THEMIS: variants seen among roughly 807,000 people sequenced by gnomAD.
THEMIS encodes the protein protein THEMIS.
Under a neutral mutation model 52.6 loss-of-function variants are expected in THEMIS, and 37 were observed. The observed-to-expected ratio is 0.70, with a 90% CI of 0.54 to 0.93. The LOEUF is 0.93. Among genes scored for constraint, THEMIS ranks in the 40% least tolerant of loss-of-function variants. THEMIS has a pLI of 0.00. For missense variants in THEMIS, 808 were observed against 763.1 expected (o/e 1.06, Z -0.69); for synonymous variants, 292 against 272.7 (o/e 1.07, Z -0.70).
chr6:127,712,468 T>TAA (rs1260478012), intron 5 of THEMIS, among the ~76,000 whole-genome samples: 2 of 151,954 alleles, frequency 1.3e-5, no homozygotes. Context: ...TTTCTGACAA[T>TAA]AATTTAGGTT....
chr6:127,848,134 T>C (rs1779286692), intron 2 of THEMIS, among the ~76,000 whole-genome samples: 1 of 139,116 alleles, frequency 7.2e-6, no homozygotes, highest in Non-Finnish European at 1.5e-5. Context: ...CCATGTGTTC[T>C]CATTGTTCAA....
intron 5 of THEMIS, among the ~76,000 whole-genome samples, chr6:127,714,516 G>T (rs1774092225): frequency 6.6e-6 from 1 of 151,874 alleles, no homozygotes; most frequent in Admixed American, 6.6e-5. Flanking sequence ...GGCCATGATG[G>T]TTTCCCAGCT....
At chr6:127,875,139 G>A (rs1279049782) in intron 1 of THEMIS, among the ~76,000 whole-genome samples, 3 of 152,238 alleles carry the variant, frequency 2.0e-5, no homozygotes, top group African/African-American at 7.2e-5. Flanking sequence ...TGGAAAAATT[G>A]TCTTTCACGA....
intron 4 of THEMIS, among the ~76,000 whole-genome samples, chr6:127,762,665 C>A (rs547104082): frequency 6.6e-6 from 1 of 152,006 alleles, no homozygotes; most frequent in Non-Finnish European, 1.5e-5. Context: ...CATTCCCTGG[C>A]CACTCTAATT....
chr6:127,916,119 TA>T (rs1444635407), intron 1 of THEMIS, among the ~76,000 whole-genome samples: 1 of 151,970 alleles, frequency 6.6e-6, no homozygotes, highest in African/African-American at 2.4e-5. Flanking sequence ...TTTGTTTAAT[TA>T]AAAATATGAT....
chr6:127,845,694 C>G (rs1009800174), intron 2 of THEMIS, among the ~76,000 whole-genome samples: 2 of 151,800 alleles, frequency 1.3e-5, no homozygotes, highest in African/African-American at 4.8e-5. Flanking sequence ...TGGGGAAAGG[C>G]TTTTCTCAGA....
At chr6:127,742,979 C>T (rs1028359990) in intron 4 of THEMIS, among the ~76,000 whole-genome samples, 4 of 151,814 alleles carry the variant, frequency 2.6e-5, no homozygotes, top group Non-Finnish European at 4.4e-5. Context: ...GAAGAATATT[C>T]CTTCTTGGAT....
intron 2 of THEMIS, among the ~76,000 whole-genome samples, chr6:127,845,316 C>A (rs369539012): frequency 1.3e-5 from 2 of 151,840 alleles, no homozygotes; most frequent in East Asian, 1.9e-4. Context: ...AGTTTACATA[C>A]TTTAATACAG....
At chr6:127,724,434 T>A (rs1292492684) in intron 4 of THEMIS, among the ~76,000 whole-genome samples, 1 of 152,096 alleles carries the variant, frequency 6.6e-6, no homozygotes, top group Non-Finnish European at 1.5e-5. Flanking sequence ...AATAAAATCC[T>A]CTGTCAGATC....
chr6:127,746,744 A>ATATC (rs1384317746), intron 4 of THEMIS, among the ~76,000 whole-genome samples: 21 of 90,858 alleles, frequency 2.3e-4, no homozygotes, highest in African/African-American at 8.8e-4. Context: ...ATTATATTAT[A>ATATC]TATAATTATA....
chr6:127,770,294 G>C (rs1225489544), intron 4 of THEMIS, among the ~76,000 whole-genome samples: 3 of 152,130 alleles, frequency 2.0e-5, no homozygotes, highest in South Asian at 2.1e-4. Flanking sequence ...ATTGTTTCCT[G>C]ACTTTTTAAT....
intron 4 of THEMIS, among the ~76,000 whole-genome samples, chr6:127,740,859 AT>A (rs1229281574): frequency 6.6e-6 from 1 of 152,152 alleles, no homozygotes; most frequent in South Asian, 2.1e-4. Context: ...TGTGACATAT[AT>A]TTTTTATATT....
chr6:127,775,217 CCCA>C, intron 4 of THEMIS, among the ~76,000 whole-genome samples: 1 of 152,152 alleles, frequency 6.6e-6, no homozygotes, highest in Admixed American at 6.5e-5. Flanking sequence ...CTGCTTTCTG[CCCA>C]TAAGAAGTTG....
intron 4 of THEMIS, among the ~76,000 whole-genome samples, chr6:127,790,509 T>C (rs1021890990): frequency 6.6e-5 from 10 of 152,342 alleles, no homozygotes; most frequent in African/African-American, 2.2e-4. Context: ...TCTTTTGATA[T>C]ATATTTTTTG....
chr6:127,758,055 C>T (rs1775895110), intron 4 of THEMIS, among the ~76,000 whole-genome samples: 2 of 150,812 alleles, frequency 1.3e-5, no homozygotes, highest in Admixed American at 1.3e-4. Context: ...ATGTATATAA[C>T]AATATATATT....
At chr6:127,699,622 C>G in the THEMIS span, among the ~76,000 whole-genome samples, 1 of 151,476 alleles carries the variant, frequency 6.6e-6, no homozygotes. Flanking sequence ...CAGAAATAAA[C>G]CGAACTGTAC....
the THEMIS span, among the ~76,000 whole-genome samples, chr6:127,703,035 G>GATTTTTTTTTTTT: frequency 1.2e-5 from 1 of 82,352 alleles, no homozygotes; most frequent in Non-Finnish European, 2.1e-5. Context: ...TTTAGAATGA[G>GATTTTTTTTTTTT]TTTTTTTTTT....
intron 1 of THEMIS, among the ~76,000 whole-genome samples, chr6:127,910,535 A>C (rs935300039): frequency 6.6e-6 from 1 of 152,176 alleles, no homozygotes; most frequent in Non-Finnish European, 1.5e-5. Flanking sequence ...GAAATGGAGA[A>C]TCTGTTTCTA....
At chr6:127,801,764 C>T (rs1478198538) in intron 4 of THEMIS, among the ~76,000 whole-genome samples, 1 of 152,116 alleles carries the variant, frequency 6.6e-6, no homozygotes. Context: ...TGCTCAGGAG[C>T]CACCCCCAAC....
Sources: allele counts gnomAD v4.1 joint callset (sites outside exome capture counted in the v4.1 genomes callset), GRCh38; gene constraint gnomAD v4.1.1; transcripts MANE v1.5; gene names NCBI Gene and HGNC (gene_info 2026-07-23, HGNC 2026-07-21).